Variants in GPATCH1 observed in about 807,000 individuals in gnomAD.
GPATCH1 encodes G patch domain-containing protein 1.
A neutral mutation model predicts 114.9 loss-of-function variants in GPATCH1; 73 were observed. The ratio of observed to expected loss-of-function variants is 0.64; its 90% CI spans 0.53 to 0.77. The LOEUF (loss-of-function observed/expected upper bound fraction) is 0.77. Among genes scored for constraint, GPATCH1 ranks in the 30% least tolerant of loss-of-function variants. The pLI is 0.00. For missense variants in GPATCH1, 1,058 were observed against 1,144.3 expected, an observed-to-expected ratio of 0.92 and a Z score of 1.09; for synonymous variants, 391 against 428.4, an observed-to-expected ratio of 0.91 and a Z score of 1.08.
At chr19:33,111,624 A>T (rs1390484440) in intron 11 of GPATCH1, 100 bp from the exon 12 acceptor site, 1 of 1,031,702 alleles carries the variant, frequency 9.7e-7, no homozygotes, top group Non-Finnish European at 1.5e-6. Flanking sequence ...ATAAGGACTT[A>T]TGAAATATAC....
chr19:33,093,465 C>A lies in GPATCH1; in HGVS notation c.401C>A (p.Ala134Asp), dbSNP rs1972620006. The change falls in exon 4 of 20, where the codon GCT becomes GAT. Residue 134 changes from alanine (A) to aspartate (D), a missense_variant. Physicochemically the swap from Ala to Asp is moderately radical, Grantham distance 126 (BLOSUM62 -2). Around this residue, in one of 3 missense-constraint regions of GPATCH1, gnomAD observed 34 missense variants for 59.6 expected, o/e 0.57. Coordinates refer to ENST00000170564, the MANE Select transcript of GPATCH1 (RefSeq NM_018025.3). The part of the protein sequence containing the change: ...IREKARQLAA[A>D]TAPIPGATLL... Reference sequence around the variant, plus strand: ...GAAAAGGCTAGGCAGTTGGCCGCTGCTACTGCCCCTATTCCTGGAGCCACC... The same window carrying A: ...GAAAAGGCTAGGCAGTTGGCCGCTGATACTGCCCCTATTCCTGGAGCCACC... The A allele has an allele frequency of 6.2e-7, 1 of 1,613,878 alleles. No homozygotes were observed. The highest frequency in any genetic ancestry group is 1.3e-5 in the African/African-American group (1 of 74,912).
intron 2 of GPATCH1, 106 bp downstream of exon 2, chr19:33,088,374 T>A: frequency 2.4e-6 from 2 of 838,222 alleles, no homozygotes; most frequent in East Asian, 2.8e-5. Flanking sequence ...GACAAGAGTC[T>A]CGCTCTGTCG....
intron 16 of GPATCH1, among the ~76,000 whole-genome samples, chr19:33,118,306 G>A (rs933060420): frequency 2.2e-4 from 33 of 150,774 alleles, no homozygotes; most frequent in African/African-American, 7.8e-4. Context: ...AGCCTCCTGA[G>A]TAGCTGGGAC....
At chr19:33,114,138 C>CACAA in intron 14 of GPATCH1, 115 bp from the exon 15 acceptor site, 1 of 1,045,638 alleles carries the variant, frequency 9.6e-7, no homozygotes, top group Non-Finnish European at 1.4e-6. Flanking sequence ...GGACCCTACA[C>CACAA]AGTGCCAGGC....
At chr19:33,098,094 C>T (rs1972684409) in intron 8 of GPATCH1, among the ~76,000 whole-genome samples, 192 bp downstream of exon 8, 1 of 152,216 alleles carries the variant, frequency 6.6e-6, no homozygotes, top group Non-Finnish European at 1.5e-5. Context: ...AGGCCAAAGC[C>T]AGCTGTCAAG....
At chr19:33,118,721 T>C (rs905714331) in intron 16 of GPATCH1, among the ~76,000 whole-genome samples, 1 of 152,188 alleles carries the variant, frequency 6.6e-6, no homozygotes, top group African/African-American at 2.4e-5. Flanking sequence ...CATTTCTACT[T>C]TTCAGGTCTT....
intron 1 of GPATCH1, 53 bp from the exon 2 acceptor site, chr19:33,088,081 C>T (rs182796772): frequency 1.9e-4 from 198 of 1,067,746 alleles, no homozygotes; most frequent in Non-Finnish European, 2.1e-4. Flanking sequence ...AAATTTGAAC[C>T]GACCATCTCC....
intron 2 of GPATCH1, among the ~76,000 whole-genome samples, chr19:33,088,962 T>A (rs1399292087): frequency 6.6e-6 from 1 of 152,184 alleles, no homozygotes; most frequent in Non-Finnish European, 1.5e-5. Context: ...CAGCTTTCTC[T>A]GAACATACAC....
rs1599862840 is a variant in GPATCH1, at chr19:33,113,871, G to A, written c.1997G>A (p.Ser666Asn). ...TASLPTTQAS[S>N]EKVSQHRGPD... ...TCCTTGCCCACCACTCAAGCATCAA[G>A]TGAAAAAGTATCACAGCACCGAGGT... is the stretch of plus-strand genomic sequence containing the variant. Residue 666 changes from serine (S) to asparagine (N), a missense_variant, in exon 14 of 20, where the codon AGT (serine) becomes AAT (asparagine). Coordinates refer to ENST00000170564, the MANE Select transcript of GPATCH1 (RefSeq NM_018025.3). 6.2e-7 allele frequency: 1 copy of A among 1,614,128 alleles called. No individual in the cohort carries two copies. The highest frequency in any genetic ancestry group is 8.5e-7 in the Non-Finnish European group (1 of 1,180,012).
At chr19:33,102,027 CA>C (rs563794335) in intron 9 of GPATCH1, among the ~76,000 whole-genome samples, 372 of 92,200 alleles carry the variant, frequency 4.0e-3, no homozygotes, top group Admixed American at 4.8e-3. Context: ...AACTCTGTCT[CA>C]AAAAAAAAAA....
chr19:33,093,641 G>A lies in GPATCH1; in HGVS notation c.455+122G>A, dbSNP rs966448832. 6.2e-4 allele frequency: 568 copies of A among 909,760 alleles called. 1 individual carries two copies. The highest frequency in any genetic ancestry group is 5.8e-4 in the Non-Finnish European group (341 of 590,112). 56.4% of individuals were successfully genotyped at this position (909,760 alleles called of 1,614,324 possible). On this transcript the variant is annotated intron_variant, in intron 4 of 19. Coordinates refer to ENST00000170564, the MANE Select transcript of GPATCH1 (RefSeq NM_018025.3). Reference sequence around the variant, plus strand: ...GCCTTCTTAGGCTCAAAGTCTAAGTGAAAAAGGGGGTTTTGCGTAAAGGAT... The same window carrying A: ...GCCTTCTTAGGCTCAAAGTCTAAGTAAAAAAGGGGGTTTTGCGTAAAGGAT...
At chr19:33,081,708 G>GGACGGGCAGGCAA (rs1972478728) in intron 1 of GPATCH1, among the ~76,000 whole-genome samples, 2 of 152,282 alleles carry the variant, frequency 1.3e-5, no homozygotes, top group South Asian at 4.1e-4. Context: ...GGGGCAGGCA[G>GGACGGGCAGGCAA]GACGGGTATG....
At chr19:33,113,618 A>C (rs902728859) in intron 13 of GPATCH1, 149 bp from the exon 14 acceptor site, 5 of 603,154 alleles carry the variant, frequency 8.3e-6, no homozygotes, top group Non-Finnish European at 1.5e-5. Flanking sequence ...TCAGTCACCC[A>C]GATTCTCGAA....
Position 33,090,778 on chromosome 19 carries a change from A to T in GPATCH1, c.209-2A>T, listed in dbSNP as rs1568338548. ...TAAAGTTCTAAACTCTTTTTTTTTC[A>T]GGATGGACACCCTCTACCTTTGTGT... On this transcript the variant is annotated splice_acceptor_variant, in intron 2 of 19. Coordinates refer to ENST00000170564, the MANE Select transcript of GPATCH1 (RefSeq NM_018025.3). LOFTEE classifies it high-confidence loss of function. The T allele has an allele frequency of 6.3e-7, 1 of 1,596,350 alleles. No individual in the cohort carries two copies. Among genetic ancestry groups the T allele is most frequent in the East Asian group, 2.2e-5 (1 of 44,760 alleles).
chr19:33,104,661 A>G (rs1972763634), intron 9 of GPATCH1, among the ~76,000 whole-genome samples: 2 of 152,146 alleles, frequency 1.3e-5, no homozygotes, highest in South Asian at 4.1e-4. Context: ...AGGCATCAGT[A>G]TAGTTACAAC....
At chr19:33,095,682 G>A (rs1238529657) in intron 5 of GPATCH1, 80 bp from the exon 6 acceptor site, 10 of 918,486 alleles carry the variant, frequency 1.1e-5, no homozygotes, top group Non-Finnish European at 3.6e-6. Context: ...GATTACAGGT[G>A]TGATCCACCG....
Position 33,119,102 on chromosome 19 carries a change from C to A in GPATCH1, c.2506C>A (p.Pro836Thr). Residue 836 changes from proline (P) to threonine (T), a missense_variant, in exon 17 of 20, where the codon CCC (proline) becomes ACC (threonine). Pro to Thr is a conservative substitution (Grantham distance 38). This residue lies in a region of GPATCH1 where 893 missense variants were observed against 977.4 expected (regional missense o/e 0.91). Transcript: ENST00000170564. The part of the protein sequence containing the change: ...EREEFGPRLP[P>T]VFCPNARQTL... ...AGAAGAGTTCGGCCCGCGGCTGCCTCCCGTCTTCTGCCCCAGTGAGTGCAG... is the reference window on the plus strand; with the variant it reads ...AGAAGAGTTCGGCCCGCGGCTGCCTACCGTCTTCTGCCCCAGTGAGTGCAG... The A allele has an allele frequency of 6.2e-7, 1 of 1,606,228 alleles. No homozygotes were observed. The highest frequency in any genetic ancestry group is 1.7e-5 in the Admixed American group (1 of 59,628).
rs1184015444 is a variant in GPATCH1, at chr19:33,081,209, A to G, written c.16A>G (p.Ser6Gly). 6.4e-7 allele frequency: 1 copy of G among 1,551,542 alleles called. No individual in the cohort carries two copies. Among genetic ancestry groups the G allele is most frequent in the Non-Finnish European group, 8.7e-7 (1 of 1,146,950 alleles). MAARD[S>G]DSEEDLVSYG... ...GAAGAGCAGGATGGCGGCGCGGGAC[A>G]GTGACAGCGAAGAAGATCTGGTCAG... Residue 6 changes from serine to glycine, a missense_variant, in exon 1 of 20, where the codon AGT (serine) becomes GGT (glycine). By Grantham distance (56) the Ser-to-Gly change is moderately conservative. Transcript: ENST00000170564.
At chr19:33,098,208 A>G (rs1217754015) in intron 8 of GPATCH1, among the ~76,000 whole-genome samples, 1 of 152,170 alleles carries the variant, frequency 6.6e-6, no homozygotes, top group African/African-American at 2.4e-5. Flanking sequence ...GGTCAAAGGG[A>G]AGCACCCAGA....
Sources: gnomAD v4.1 joint callset for allele counts (sites outside exome capture counted in the v4.1 genomes callset) on GRCh38, gnomAD v4.1.1 for gene constraint, gnomAD v4.1.1 regional missense constraint, MANE v1.5 for transcripts, NCBI Gene and HGNC (gene_info 2026-07-23, HGNC 2026-07-21) for gene names.